The following KIF6 variants were observed in gnomAD, a reference collection of about 807,000 sequenced individuals.
KIF6 encodes kinesin-like protein KIF6.
A neutral mutation model predicts 112.7 loss-of-function variants in KIF6; 106 were observed. The ratio of observed to expected loss-of-function variants is 0.94; its 90% CI spans 0.80 to 1.11. The LOEUF is 1.11. Among genes scored for constraint, KIF6 ranks in the 50% least tolerant of loss-of-function variants. The pLI is 0.00. For missense variants in KIF6, 929 were observed against 964.0 expected (o/e 0.96, Z 0.48); for synonymous variants, 339 against 339.9 (o/e 1.00, Z 0.03).
At chr6:39,584,640 C>T (rs557653448) in intron 9 of KIF6, among the ~76,000 whole-genome samples, 34 of 151,936 alleles carry the variant, frequency 2.2e-4, no homozygotes, top group African/African-American at 8.2e-4. Flanking sequence ...AGATTGCCTG[C>T]GTGTGAAGCC....
At position 39,364,152 on chromosome 6, in the gene KIF6, C is replaced by T. The variant is rs187254969; in HGVS notation, c.1862-1634G>A. Among the ~76,000 whole-genome samples the T allele has an allele frequency of 8.2e-3, 1,240 of 151,532 alleles. 10 individuals carry two copies. Among genetic ancestry groups the T allele is most frequent in the Non-Finnish European group, 0.011 (768 of 67,892 alleles). On this transcript the variant is annotated intron_variant, in intron 16 of 22. Coordinates refer to ENST00000287152, the MANE Select transcript of KIF6 (RefSeq NM_145027.6). ...CTGTCACCAGGCTAGAGTGCAGCAG[C>T]GCGATCTCCACTGACTGCAACCTCT...
At chr6:39,393,855 G>A (rs1246574293) in intron 15 of KIF6, among the ~76,000 whole-genome samples, 2 of 152,140 alleles carry the variant, frequency 1.3e-5, no homozygotes, top group African/African-American at 4.8e-5. Context: ...GGCAAGGGAT[G>A]GGTGTTGTGG....
intron 7 of KIF6, among the ~76,000 whole-genome samples, chr6:39,593,208 G>C (rs916781768): frequency 6.6e-6 from 1 of 152,154 alleles, no homozygotes; most frequent in Non-Finnish European, 1.5e-5. Flanking sequence ...ATGAATGAAT[G>C]AATGAAGCTA....
At chr6:39,443,194 T>G (rs978762470) in intron 13 of KIF6, among the ~76,000 whole-genome samples, 2 of 150,472 alleles carry the variant, frequency 1.3e-5, no homozygotes, top group Non-Finnish European at 3.0e-5. Flanking sequence ...GGCTCCAGAT[T>G]CTACAGAACA....
At chr6:39,485,961 C>G in intron 13 of KIF6, among the ~76,000 whole-genome samples, 1 of 152,162 alleles carries the variant, frequency 6.6e-6, no homozygotes. Context: ...CACAGAGAAA[C>G]TAAGTAACTT....
chr6:39,571,925 G>A (rs1481065850), intron 10 of KIF6, among the ~76,000 whole-genome samples: 1 of 147,656 alleles, frequency 6.8e-6, no homozygotes, highest in Non-Finnish European at 1.5e-5. Context: ...TTAGAAGGGT[G>A]CCTTCTTCCT....
intron 2 of KIF6, among the ~76,000 whole-genome samples, chr6:39,720,084 C>A (rs558872180): frequency 5.8e-4 from 88 of 152,194 alleles, no homozygotes; most frequent in African/African-American, 2.1e-3. Flanking sequence ...GTTTCATGTA[C>A]CAAAATGTTA....
rs367703481 is a variant in KIF6 at position 39,343,187 on chromosome 6, C to T, written c.2428+522G>A. 22 of 1,209,420 alleles carry T rather than the reference C, an allele frequency of 1.8e-5. No homozygotes were observed. Among genetic ancestry groups the T allele is most frequent in the Non-Finnish European group, 2.2e-5 (21 of 952,800 alleles). The allele number at this position is 1,209,420 out of a possible 1,614,324, so 74.9% of individuals were successfully genotyped here. A position where few individuals can be genotyped will look rare whatever the true frequency, so the allele number is the denominator to read the frequency against. ...AGTGATGCAGACCAAGAAGAGCCTT[C>T]TTCTCTTCCTGTTGTCTGACACGCC... On this transcript the variant is annotated intron_variant, in intron 22 of 22. Transcript: ENST00000287152. The surrounding 1 kb of genome is among the most constrained non-coding windows in gnomAD (Gnocchi z 4.1).
Position 39,331,239 on chromosome 6 carries a change from C to G in KIF6, c.*5293G>C, listed in dbSNP as rs1464068760. The G allele has an allele frequency of 6.6e-6, 1 of 152,388 alleles. No homozygotes were observed. The highest frequency in any genetic ancestry group is 1.5e-5 in the Non-Finnish European group (1 of 68,228). 9.4% of individuals were successfully genotyped at this position (152,388 alleles called of 1,614,324 possible). On this transcript the variant is annotated 3_prime_UTR_variant, in exon 23 of 23. Transcript: ENST00000287152. ...CTGGAGTGCAGTGGTGTGATCACAG[C>G]TCACTGCAGCCTTAACCTCCTGGGT...
At chr6:39,534,758 T>A (rs1292670423) in intron 13 of KIF6, among the ~76,000 whole-genome samples, 1 of 152,114 alleles carries the variant, frequency 6.6e-6, no homozygotes, top group Non-Finnish European at 1.5e-5. Context: ...GACACATAAT[T>A]GTCAGATTCA....
At position 39,540,049 on chromosome 6, in the gene KIF6, G is replaced by A. The variant is rs776921076; in HGVS notation, c.1599C>T (p.Asp533=). ...RLSSAPSQAQ[D]FSILGKRSSL... ...TGGATCTTTTCCCCAAAATGCTGAA[G>A]TCCTGGGCCTGTGAGGGAGCTGAGG... Residue 533 remains aspartate, a synonymous_variant, in exon 13 of 23, where the codon GAC becomes GAT. Coordinates refer to ENST00000287152, the MANE Select transcript of KIF6 (RefSeq NM_145027.6). 6.2e-7 allele frequency: 1 copy of A among 1,613,122 alleles called. No individual in the cohort carries two copies. Among genetic ancestry groups the A allele is most frequent in the Admixed American group, 1.7e-5 (1 of 59,812 alleles).
chr6:39,632,850 G>A (rs1582319995), intron 5 of KIF6, among the ~76,000 whole-genome samples: 1 of 152,114 alleles, frequency 6.6e-6, no homozygotes, highest in South Asian at 2.1e-4. Flanking sequence ...TCGATCTCCT[G>A]ACCTTGTGAT....
At chr6:39,583,476 C>A (rs758120701) in intron 9 of KIF6, 1 of 471,590 alleles carries the variant, frequency 2.1e-6, no homozygotes, top group South Asian at 1.5e-5. Context: ...GAGCTTGGTG[C>A]TTTCTGAGGC....
chr6:39,443,871 T>G (rs539897200), intron 13 of KIF6, among the ~76,000 whole-genome samples: 7 of 152,190 alleles, frequency 4.6e-5, no homozygotes, highest in Admixed American at 4.6e-4. Context: ...AGTAAGTAGA[T>G]GCAAAATGGA....
At chr6:39,624,223 TA>T (rs1783971320) in intron 5 of KIF6, among the ~76,000 whole-genome samples, 1 of 152,188 alleles carries the variant, frequency 6.6e-6, no homozygotes, top group African/African-American at 2.4e-5. Context: ...ATTTTCCAAC[TA>T]AATGGTAAGT....
chr6:39,446,471 C>T lies in KIF6; in HGVS notation c.1646-15310G>A, dbSNP rs1230558759. Reference sequence around the variant, plus strand: ...ATAAATGAGCAAGAAGGAGAGATCTCCAGTGAAATTGTTTTCTTTTCTTTC... The same window carrying T: ...ATAAATGAGCAAGAAGGAGAGATCTTCAGTGAAATTGTTTTCTTTTCTTTC... On this transcript the variant is annotated intron_variant, in intron 13 of 22. Coordinates refer to ENST00000287152, the MANE Select transcript of KIF6 (RefSeq NM_145027.6). 2.0e-5 allele frequency among the ~76,000 whole-genome samples: 3 copies of T among 152,252 alleles called. No individual in the cohort carries two copies. In the East Asian group the frequency reaches 5.8e-4, roughly 29 times the overall value.
intron 10 of KIF6, among the ~76,000 whole-genome samples, chr6:39,573,315 G>A (rs936589347): frequency 4.6e-5 from 7 of 152,152 alleles, no homozygotes; most frequent in African/African-American, 1.7e-4. Context: ...GACTAATGGT[G>A]TTAAATAGCA....
chr6:39,612,046 A>G lies in KIF6; in HGVS notation c.639+1143T>C, dbSNP rs550022926. On this transcript the variant is annotated intron_variant, in intron 6 of 22. Transcript: ENST00000287152. ...TATATAAGTTAGCTAGTCTATTGAAAAGTATTGATGCAAAACTGGTAAACA... is the reference window on the plus strand; with the variant it reads ...TATATAAGTTAGCTAGTCTATTGAAGAGTATTGATGCAAAACTGGTAAACA... Among the ~76,000 whole-genome samples the G allele has an allele frequency of 1.1e-4, 17 of 152,330 alleles. No individual in the cohort carries two copies. The South Asian group carries it at 3.5e-3, about 32-fold the overall frequency.
intron 15 of KIF6, among the ~76,000 whole-genome samples, chr6:39,406,044 A>G (rs931350161): frequency 6.6e-6 from 1 of 151,888 alleles, no homozygotes; most frequent in Admixed American, 6.6e-5. Flanking sequence ...TTTTTTTGAT[A>G]TAGAGTCTTG....
Sources: allele counts gnomAD v4.1 joint callset (sites outside exome capture counted in the v4.1 genomes callset), GRCh38; gene constraint gnomAD v4.1.1; non-coding constraint Gnocchi (gnomAD v3.1); transcripts MANE v1.5; gene names NCBI Gene and HGNC (gene_info 2026-07-23, HGNC 2026-07-21).